IGSF9B: variants seen among roughly 807,000 people sequenced by gnomAD.
IGSF9B encodes the protein immunoglobulin superfamily member 9B, also known as protein turtle homolog B.
Under a neutral mutation model 143.7 loss-of-function variants are expected in IGSF9B, and 48 were observed. The observed-to-expected ratio is 0.33, with a 90% CI of 0.26 to 0.42. The LOEUF (loss-of-function observed/expected upper bound fraction) is 0.42. IGSF9B is among the 20% of genes least tolerant of loss of function. IGSF9B has a pLI of 1.00. For synonymous variants in IGSF9B, 903 were observed against 833.1 expected (o/e 1.08, Z -1.44); for missense variants, 1,706 against 1,980.0 (o/e 0.86, Z 2.63).
chr11:133,920,460 C>T lies in IGSF9B; in HGVS notation c.3265G>A (p.Ala1089Thr), dbSNP rs1555087730. 9 of 1,565,402 alleles carry T rather than the reference C, an allele frequency of 5.7e-6. No homozygotes were observed. Among genetic ancestry groups the T allele is most frequent in the Middle Eastern group, 1.7e-4 (1 of 5,778 alleles). ...AGAGACAGGATGCCCGGGTAGGCCG[C>T]GGGCACCTGCAGGGAGGTGGGGGGC... Reference protein sequence around the residue: ...GLPPTSLQVPAAYPGILSLEA... With the variant: ...GLPPTSLQVPTAYPGILSLEA... The change falls in exon 18 of 20, where the codon GCG becomes ACG. Residue 1089 changes from alanine to threonine, a missense_variant. This residue lies in a region of IGSF9B where 880 missense variants were observed against 762.9 expected (regional missense o/e 1.15). Coordinates refer to ENST00000533871, the MANE Select transcript of IGSF9B (RefSeq NM_001277285.4).
At chr11:133,938,418 G>T (rs1005752078) in intron 3 of IGSF9B, among the ~76,000 whole-genome samples, 27 of 152,142 alleles carry the variant, frequency 1.8e-4, no homozygotes, top group African/African-American at 6.0e-4. Flanking sequence ...CCAAGGCTAC[G>T]CGGAACCTCA....
Position 133,948,390 on chromosome 11 carries a change from C to T in IGSF9B, c.65-2132G>A, listed in dbSNP as rs1209296031. ...GAGCATTGCACTCACCTGCCTGAGG[C>T]CCCAGCATGCTTCCCAATTTCCCCC... On this transcript the variant is annotated intron_variant, in intron 1 of 19. Transcript: ENST00000533871. The surrounding 1 kb of genome is among the most constrained non-coding windows in gnomAD (Gnocchi z 4.7). Among the ~76,000 whole-genome samples the T allele has an allele frequency of 2.6e-5, 4 of 152,050 alleles. No individual in the cohort carries two copies. The highest frequency in any genetic ancestry group is 2.6e-4 in the Admixed American group (4 of 15,264).
rs1471253943 is a variant in IGSF9B at position 133,937,022 on chromosome 11, C to T, written c.679+354G>A. On this transcript the variant is annotated intron_variant, in intron 5 of 19. Coordinates refer to ENST00000533871, the MANE Select transcript of IGSF9B (RefSeq NM_001277285.4). ...AGTTTCTATCTTTATTTATTGATGC[C>T]GTCACTAATGGATAGATGACCCCAG... Among the ~76,000 whole-genome samples, 38 of 152,172 alleles carry T rather than the reference C, an allele frequency of 2.5e-4. 1 individual carries two copies. The highest frequency in any genetic ancestry group is 2.4e-3 in the Admixed American group (37 of 15,284).
At chr11:133,947,045 G>A (rs763888857) in intron 1 of IGSF9B, among the ~76,000 whole-genome samples, 50 of 152,318 alleles carry the variant, frequency 3.3e-4, no homozygotes, top group African/African-American at 1.1e-3. Context: ...CTGTCCCCAC[G>A]TTGGGCAGAG....
rs1035498025 is a variant in IGSF9B, at chr11:133,900,573, G to A, written c.*8496C>T. ...ACATTGTTCAGTTTTGTAAGTCCCC[G>A]GCTGGAGGCCAGAAGGAAGGTTCCA... On this transcript the variant is annotated 3_prime_UTR_variant, in exon 20 of 20. Coordinates refer to ENST00000533871, the MANE Select transcript of IGSF9B (RefSeq NM_001277285.4). 2.0e-5 allele frequency: 3 copies of A among 152,590 alleles called. No homozygotes were observed. The highest frequency in any genetic ancestry group is 4.4e-5 in the Non-Finnish European group (3 of 68,052). The allele number at this position is 152,590 out of a possible 1,614,324, so 9.5% of individuals were successfully genotyped here.
chr11:133,908,723 C>A lies in IGSF9B; in HGVS notation c.*346G>T. On this transcript the variant is annotated 3_prime_UTR_variant, in exon 20 of 20. Transcript: ENST00000533871. ...AGGACTTGAAAAACTGAAACAGAAG[C>A]AGAGAGCAGTAAAAGCCATTGCTTT... is the stretch of plus-strand genomic sequence containing the variant. The A allele has an allele frequency of 4.2e-6, 1 of 237,318 alleles. No homozygotes were observed. The highest frequency in any genetic ancestry group is 8.3e-6 in the Non-Finnish European group (1 of 120,892). 14.7% of individuals were successfully genotyped at this position (237,318 alleles called of 1,614,324 possible). A position where few individuals can be genotyped will look rare whatever the true frequency, so the allele number is the denominator to read the frequency against.
intron 18 of IGSF9B, among the ~76,000 whole-genome samples, chr11:133,918,503 GGGCGGCCGCGGCACCTCCGCGCACAGGC>G (rs1254725864): frequency 1.1e-4 from 16 of 152,282 alleles, no homozygotes; most frequent in African/African-American, 3.6e-4. Context: ...CACAGAGACA[GGGCGGCCGCGGCACCTCCGCGCACAGGC>G]GGCGGCTGCG....
At chr11:133,912,213 G>T (rs1053922645) in intron 18 of IGSF9B, 20 of 704,338 alleles carry the variant, frequency 2.8e-5, no homozygotes, top group Non-Finnish European at 2.0e-5. Context: ...CAGGAGCATG[G>T]CCCACCTCGG....
intron 12 of IGSF9B, among the ~76,000 whole-genome samples, chr11:133,927,859 G>A (rs1939655390): frequency 6.6e-6 from 1 of 152,066 alleles, no homozygotes; most frequent in South Asian, 2.1e-4. Flanking sequence ...TGCCCTCCAG[G>A]ATCCACTCCC....
rs1440992717 is a variant in IGSF9B at position 133,931,518 on chromosome 11, C to T, written c.1303G>A (p.Gly435Ser). The T allele has an allele frequency of 8.7e-6, 14 of 1,613,310 alleles. No individual in the cohort carries two copies. Among genetic ancestry groups the T allele is most frequent in the Non-Finnish European group, 1.1e-5 (13 of 1,179,838 alleles). The change falls in exon 10 of 20, where the codon GGC becomes AGC. Residue 435 changes from glycine to serine, a missense_variant. Physicochemically the swap from Gly to Ser is moderately conservative, Grantham distance 56. Around this residue, in one of 7 missense-constraint regions of IGSF9B, gnomAD observed 238 missense variants for 452.6 expected, o/e 0.53. Coordinates refer to ENST00000533871, the MANE Select transcript of IGSF9B (RefSeq NM_001277285.4). This position sits in a 1 kb window ranked among gnomAD's most constrained non-coding sequence, Gnocchi z 7.7. ...GCACAGGGGATAAGTAGCTCCCGGC[C>T]GGCCTCCTGCCTGTACTCCCAGCCT... ...LPGWEYRQEA[G>S]RELLIPCAAA...
intron 12 of IGSF9B, among the ~76,000 whole-genome samples, chr11:133,927,442 TG>T (rs1939648125): frequency 6.6e-6 from 1 of 152,166 alleles, no homozygotes. Flanking sequence ...AGTAAGGCTC[TG>T]GGGTATGGGG....
At chr11:133,926,064 A>T (rs967788884) in intron 13 of IGSF9B, 99 bp from the exon 14 acceptor site, 25 of 877,214 alleles carry the variant, frequency 2.8e-5, no homozygotes, top group Non-Finnish European at 4.5e-5. Flanking sequence ...GCCCAGAGGG[A>T]AGCAGAGTCA....
intron 18 of IGSF9B, among the ~76,000 whole-genome samples, chr11:133,916,038 C>G (rs986165576): frequency 4.6e-5 from 7 of 152,158 alleles, no homozygotes; most frequent in Non-Finnish European, 8.8e-5. Flanking sequence ...AAAGGGGCCC[C>G]TTCCTACAGC....
chr11:133,935,582 C>T, intron 7 of IGSF9B, 35 bp downstream of exon 7: 1 of 1,587,582 alleles, frequency 6.3e-7, no homozygotes, highest in Non-Finnish European at 8.6e-7. Flanking sequence ...CTTCTGGGAG[C>T]CCCACCACCC....
At chr11:133,917,136 G>A (rs566574579) in intron 18 of IGSF9B, among the ~76,000 whole-genome samples, 34 of 152,288 alleles carry the variant, frequency 2.2e-4, no homozygotes, top group African/African-American at 8.2e-4. Flanking sequence ...TTCTCGCCTG[G>A]AAAGCCAGAA....
intron 3 of IGSF9B, chr11:133,938,207 T>C: frequency 2.0e-6 from 1 of 489,122 alleles, no homozygotes. Flanking sequence ...CGATGTTAAC[T>C]GAGCATCTAC....
Position 133,931,202 on chromosome 11 carries a change from G to A in IGSF9B, c.1369-68C>T, listed in dbSNP as rs1247493228. 3 of 1,506,192 alleles carry A rather than the reference G, an allele frequency of 2.0e-6. No homozygotes were observed. The highest frequency in any genetic ancestry group is 1.4e-5 in the African/African-American group (1 of 72,362). The allele number at this position is 1,506,192 out of a possible 1,614,324, so 93.3% of individuals were successfully genotyped here. On this transcript the variant is annotated intron_variant, in intron 10 of 19. Coordinates refer to ENST00000533871, the MANE Select transcript of IGSF9B (RefSeq NM_001277285.4). This position sits in a 1 kb window ranked among gnomAD's most constrained non-coding sequence, Gnocchi z 7.7. ...GGGGTTAGGAGAGAAGCCCGAAGCAGATGGGGAGGACGCGCCTGAGACCCC... is the reference window on the plus strand; with the variant it reads ...GGGGTTAGGAGAGAAGCCCGAAGCAAATGGGGAGGACGCGCCTGAGACCCC...
chr11:133,952,164 C>G (rs1244061583), intron 1 of IGSF9B: 8 of 413,206 alleles, frequency 1.9e-5, no homozygotes, highest in East Asian at 1.5e-4. Context: ...CAAGAGAGAA[C>G]AGAAAAGCAG....
chr11:133,931,595 C>T lies in IGSF9B; in HGVS notation c.1252-26G>A, dbSNP rs1279678599. On this transcript the variant is annotated intron_variant, in intron 9 of 19. Coordinates refer to ENST00000533871, the MANE Select transcript of IGSF9B (RefSeq NM_001277285.4). This position sits in a 1 kb window ranked among gnomAD's most constrained non-coding sequence, Gnocchi z 7.7. The stretch of plus-strand genomic sequence containing the variant: ...CTGGGGAGGAAAGCACAGGCACCCT[C>T]GTGAGGCCGGGGATCCAGGTGCCCA... 2 of 1,610,938 alleles carry T rather than the reference C, an allele frequency of 1.2e-6. No homozygotes were observed. The highest frequency in any genetic ancestry group is 1.7e-5 in the Admixed American group (1 of 59,856).
Sources: allele counts gnomAD v4.1 joint callset (sites outside exome capture counted in the v4.1 genomes callset), GRCh38; gene constraint gnomAD v4.1.1; regional missense constraint gnomAD v4.1.1; non-coding constraint Gnocchi (gnomAD v3.1); transcripts MANE v1.5; gene names NCBI Gene and HGNC (gene_info 2026-07-23, HGNC 2026-07-21).